Variants in STXBP4 observed in about 807,000 individuals in gnomAD.
STXBP4 encodes syntaxin-binding protein 4.
STXBP4 carries 55 observed loss-of-function variants against 76.1 expected under a neutral mutation model. The ratio of observed to expected loss-of-function variants is 0.72; its 90% CI spans 0.58 to 0.91. The LOEUF (loss-of-function observed/expected upper bound fraction) is 0.91. Ranked by LOEUF, STXBP4 falls within the 40% of genes least tolerant of loss-of-function variation. The pLI is 0.00. For missense variants in STXBP4, 618 were observed against 636.9 expected (o/e 0.97, Z 0.32); for synonymous variants, 201 against 220.2 (o/e 0.91, Z 0.77).
chr17:55,078,138 G>A lies in STXBP4; in HGVS notation c.1249G>A (p.Glu417Lys), dbSNP rs1277307224. ...ACTCGACTGCCAATTACGAAAATCA[G>A]AAATGGCTCGAAAAACTTTTGAGGC... ...MVLDCQLRKSEMARKTFEAST... is the reference protein window; with the variant it reads ...MVLDCQLRKSKMARKTFEAST... The change falls in exon 14 of 18, where the codon GAA becomes AAA. Residue 417 changes from glutamate to lysine, a missense_variant. Transcript: ENST00000376352. 6.2e-7 allele frequency: 1 copy of A among 1,612,132 alleles called. No individual in the cohort carries two copies. The highest frequency in any genetic ancestry group is 1.3e-5 in the African/African-American group (1 of 74,766).
chr17:55,210,737 C>T, the STXBP4 span, among the ~76,000 whole-genome samples: 2 of 152,182 alleles, frequency 1.3e-5, no homozygotes, highest in Non-Finnish European at 2.9e-5. Flanking sequence ...AACCCAAGAA[C>T]ACACATGTGT....
At chr17:55,037,350 G>T (rs2078620874) in intron 10 of STXBP4, among the ~76,000 whole-genome samples, 1 of 152,144 alleles carries the variant, frequency 6.6e-6, no homozygotes. Context: ...AGGCAATTCA[G>T]AGTATTTTGT....
chr17:55,174,622 G>A (rs959045345), downstream of STXBP4, among the ~76,000 whole-genome samples: 6 of 151,994 alleles, frequency 3.9e-5, no homozygotes, highest in African/African-American at 1.2e-4. Flanking sequence ...ATATTTTCTT[G>A]TCTAAATTCA....
rs1443283670 is a variant in STXBP4 at position 55,171,580 on chromosome 17, C to A, written c.*11669C>A. Reference sequence around the variant, plus strand: ...GATTCCAGTCCGTTTTGACCATACCCCATCATGGTATTTTAGAGTACACCT... The same window carrying A: ...GATTCCAGTCCGTTTTGACCATACCACATCATGGTATTTTAGAGTACACCT... On this transcript the variant is annotated 3_prime_UTR_variant, in exon 18 of 18. Coordinates refer to ENST00000376352, the MANE Select transcript of STXBP4 (RefSeq NM_178509.6). 1 of 152,192 alleles carries A rather than the reference C, an allele frequency of 6.6e-6. No homozygotes were observed. Among genetic ancestry groups the A allele is most frequent in the South Asian group, 2.1e-4 (1 of 4,836 alleles). The allele number at this position is 152,192 out of a possible 1,614,324, so 9.4% of individuals were successfully genotyped here. A position where few individuals can be genotyped will look rare whatever the true frequency, so the allele number is the denominator to read the frequency against.
intron 16 of STXBP4, among the ~76,000 whole-genome samples, chr17:55,139,409 ACTTC>A (rs1340865957): frequency 1.3e-5 from 2 of 152,154 alleles, no homozygotes; most frequent in African/African-American, 4.8e-5. Context: ...CATTAGAATA[ACTTC>A]CTACTTAACT....
chr17:54,989,909 T>C (rs1321113081), intron 3 of STXBP4, among the ~76,000 whole-genome samples: 1 of 152,210 alleles, frequency 6.6e-6, no homozygotes, highest in African/African-American at 2.4e-5. Context: ...AGATAAAATT[T>C]GAGATTCAAA....
At chr17:55,196,175 CA>C in the STXBP4 span, among the ~76,000 whole-genome samples, 3 of 152,136 alleles carry the variant, frequency 2.0e-5, no homozygotes, top group Non-Finnish European at 4.4e-5. Context: ...GCTGGTCAGT[CA>C]GGATGACCTG....
At chr17:55,080,155 G>T (rs1447239774) in intron 15 of STXBP4, among the ~76,000 whole-genome samples, 1 of 152,122 alleles carries the variant, frequency 6.6e-6, no homozygotes, top group Non-Finnish European at 1.5e-5. Flanking sequence ...CTATTTAAAA[G>T]CCAGAGCCTG....
chr17:55,060,385 G>A lies in STXBP4; in HGVS notation c.1012-12515G>A, dbSNP rs146446027. Among the ~76,000 whole-genome samples the A allele has an allele frequency of 5.8e-3, 879 of 152,128 alleles. 5 individuals are homozygous for A. Among genetic ancestry groups the A allele is most frequent in the African/African-American group, 0.02 (825 of 41,526 alleles). The stretch of plus-strand genomic sequence containing the variant: ...TTTAAAAATTATAAATACAGAGTAT[G>A]TATAACTCTTCTCTTAAAAATTTTT... On this transcript the variant is annotated intron_variant, in intron 12 of 17. Coordinates refer to ENST00000376352, the MANE Select transcript of STXBP4 (RefSeq NM_178509.6).
At chr17:55,126,793 G>A (rs911356333) in intron 16 of STXBP4, among the ~76,000 whole-genome samples, 1 of 152,154 alleles carries the variant, frequency 6.6e-6, no homozygotes, top group African/African-American at 2.4e-5. Context: ...CAGGTAGAAG[G>A]AACAGTATCT....
At position 54,968,832 on chromosome 17, in the gene STXBP4, C is replaced by T. The variant is rs2077332003; in HGVS notation, c.-157+17C>T. 1.6e-6 allele frequency: 1 copy of T among 618,054 alleles called. No individual in the cohort carries two copies. Among genetic ancestry groups the T allele is most frequent in the South Asian group, 2.0e-5 (1 of 49,380 alleles). The allele number at this position is 618,054 out of a possible 1,614,324, so 38.3% of individuals were successfully genotyped here. On this transcript the variant is annotated intron_variant, in intron 1 of 17. Coordinates refer to ENST00000376352, the MANE Select transcript of STXBP4 (RefSeq NM_178509.6). ...AGATTACGGGTAAGTTTGCGTTTTGCTTTGTGACTGTTACTCCCACTTCGC... is the reference window on the plus strand; with the variant it reads ...AGATTACGGGTAAGTTTGCGTTTTGTTTTGTGACTGTTACTCCCACTTCGC...
chr17:55,007,492 C>A lies in STXBP4; in HGVS notation c.575-14C>A. The stretch of plus-strand genomic sequence containing the variant: ...ATTAAGTTCCCAATTAATGTGCACC[C>A]TGTTGTCTCTTAGATGTTGCTTCTG... On this transcript the variant is annotated splice_polypyrimidine_tract_variant and intron_variant, in intron 7 of 17. Coordinates refer to ENST00000376352, the MANE Select transcript of STXBP4 (RefSeq NM_178509.6). 1.3e-6 allele frequency: 2 copies of A among 1,595,232 alleles called. No individual in the cohort carries two copies. The highest frequency in any genetic ancestry group is 1.7e-6 in the Non-Finnish European group (2 of 1,164,508).
intron 17 of STXBP4, among the ~76,000 whole-genome samples, chr17:55,158,244 A>G (rs2080302459): frequency 6.6e-6 from 1 of 152,134 alleles, no homozygotes; most frequent in African/African-American, 2.4e-5. Flanking sequence ...TCTTCACATA[A>G]CATTTATTTA....
intron 13 of STXBP4, among the ~76,000 whole-genome samples, chr17:55,074,392 G>T (rs1048410740): frequency 6.6e-6 from 1 of 152,048 alleles, no homozygotes; most frequent in African/African-American, 2.4e-5. Flanking sequence ...CAATATTTAG[G>T]AATATTACAT....
At chr17:55,024,920 G>A (rs556931708) in intron 8 of STXBP4, among the ~76,000 whole-genome samples, 6 of 152,020 alleles carry the variant, frequency 3.9e-5, no homozygotes, top group South Asian at 2.1e-4. Flanking sequence ...GGTGGATCAC[G>A]AGGTCAGGAG....
rs2080341042 is a variant in STXBP4, at chr17:55,162,024, A to G, written c.*2113A>G. On this transcript the variant is annotated 3_prime_UTR_variant, in exon 18 of 18. Coordinates refer to ENST00000376352, the MANE Select transcript of STXBP4 (RefSeq NM_178509.6). ...TCAGTGTCATAAGGAACTTTCTAGTAATTAGAGCTGATAAGAAAAGAATTC... is the reference window on the plus strand; with the variant it reads ...TCAGTGTCATAAGGAACTTTCTAGTGATTAGAGCTGATAAGAAAAGAATTC... 6.6e-6 allele frequency: 1 copy of G among 152,180 alleles called. No individual in the cohort carries two copies. Among genetic ancestry groups the G allele is most frequent in the Non-Finnish European group, 1.5e-5 (1 of 68,028 alleles). The allele number at this position is 152,180 out of a possible 1,614,324, so 9.4% of individuals were successfully genotyped here.
intron 16 of STXBP4, among the ~76,000 whole-genome samples, chr17:55,082,052 A>G (rs968485015): frequency 2.6e-5 from 4 of 152,082 alleles, no homozygotes; most frequent in East Asian, 1.9e-4. Flanking sequence ...AACTATACCT[A>G]TAATTTATAA....
intron 16 of STXBP4, among the ~76,000 whole-genome samples, chr17:55,106,291 T>G (rs1378401582): frequency 6.6e-6 from 1 of 152,134 alleles, no homozygotes; most frequent in Admixed American, 6.5e-5. Flanking sequence ...CTGCTTTTTT[T>G]TTTTTTACTT....
intron 16 of STXBP4, among the ~76,000 whole-genome samples, chr17:55,090,955 A>G (rs1158862556): frequency 6.6e-6 from 1 of 152,004 alleles, no homozygotes; most frequent in Non-Finnish European, 1.5e-5. Flanking sequence ...AACTATCATG[A>G]TAAGTAGGAT....
Sources: gnomAD v4.1 joint callset for allele counts (sites outside exome capture counted in the v4.1 genomes callset) on GRCh38, gnomAD v4.1.1 for gene constraint, MANE v1.5 for transcripts, NCBI Gene and HGNC (gene_info 2026-07-23, HGNC 2026-07-21) for gene names.